The following STIM1 variants were observed in gnomAD, a reference collection of about 807,000 sequenced individuals.
STIM1 encodes stromal interaction molecule 1.
A neutral mutation model predicts 74.7 loss-of-function variants in STIM1; 25 were observed. The observed-to-expected ratio is 0.33, with a 90% CI of 0.24 to 0.47. STIM1 has a LOEUF of 0.47. Ranked by LOEUF, STIM1 falls within the 20% of genes least tolerant of loss-of-function variation. The pLI, the probability that STIM1 is intolerant of heterozygous loss-of-function variation, is 1.00. For missense variants in STIM1, 728 were observed against 920.8 expected (o/e 0.79, Z 2.71); for synonymous variants, 328 against 348.8 (o/e 0.94, Z 0.66).
At chr11:3,920,802 A>T (rs552169559) in intron 1 of STIM1, among the ~76,000 whole-genome samples, 19 of 149,958 alleles carry the variant, frequency 1.3e-4, no homozygotes, top group South Asian at 6.4e-4. Context: ...TATTTTTTTT[A>T]ATTTTTTTTT....
intron 2 of STIM1, among the ~76,000 whole-genome samples, chr11:4,011,376 A>G (rs1406496263): frequency 6.6e-6 from 1 of 152,196 alleles, no homozygotes; most frequent in Non-Finnish European, 1.5e-5. Context: ...CCTTTCCAGC[A>G]TCTGTTGTTT....
chr11:4,018,177 C>T (rs1247948735), intron 2 of STIM1, among the ~76,000 whole-genome samples: 5 of 150,908 alleles, frequency 3.3e-5, no homozygotes, highest in African/African-American at 1.2e-4. Context: ...TGGCTGGGCG[C>T]GGTGGCTCAC....
At chr11:3,884,781 CAAA>C (rs1554953053) in intron 1 of STIM1, among the ~76,000 whole-genome samples, 1 of 116,290 alleles carries the variant, frequency 8.6e-6, no homozygotes, top group Non-Finnish European at 1.9e-5. Flanking sequence ...GACCCCATCT[CAAA>C]AAAAAAAAAA....
chr11:4,084,900 C>CAG, intron 11 of STIM1, 135 bp downstream of exon 11: 3 of 636,298 alleles, frequency 4.7e-6, no homozygotes, highest in Non-Finnish European at 7.4e-6. Flanking sequence ...ACTGTCCCTA[C>CAG]TAACTACAGG....
intron 3 of STIM1, among the ~76,000 whole-genome samples, chr11:4,036,642 A>G (rs2094105346): frequency 6.6e-6 from 1 of 152,222 alleles, no homozygotes; most frequent in African/African-American, 2.4e-5. Flanking sequence ...TGTTGGTCGC[A>G]TGAATATCTT....
chr11:3,855,135 C>A (rs1370324844), upstream of STIM1: 3 of 152,266 alleles, frequency 2.0e-5, no homozygotes, highest in African/African-American at 7.2e-5. Flanking sequence ...AGGCGAGGCG[C>A]GAGGGCGGAG....
chr11:4,046,059 CTTTTTTTTT>C (rs35783768), intron 3 of STIM1, among the ~76,000 whole-genome samples: 16 of 59,030 alleles, frequency 2.7e-4, no homozygotes, highest in Non-Finnish European at 3.9e-4. Flanking sequence ...CGTGAGCTAC[CTTTTTTTTT>C]TTTTTTTTTT....
At chr11:3,867,401 C>G (rs1249796731) in intron 1 of STIM1, 2 of 152,228 alleles carry the variant, frequency 1.3e-5, no homozygotes, top group African/African-American at 4.8e-5. Context: ...CTTGGGTCTT[C>G]CTGCTCCCTG....
chr11:3,926,490 G>C (rs558717534), intron 1 of STIM1, among the ~76,000 whole-genome samples: 75 of 152,316 alleles, frequency 4.9e-4, no homozygotes, highest in African/African-American at 1.6e-3. Context: ...GGAGACCACT[G>C]TCTTAATACA....
intron 3 of STIM1, among the ~76,000 whole-genome samples, chr11:4,053,789 A>C (rs1025378208): frequency 3.3e-5 from 5 of 152,154 alleles, no homozygotes; most frequent in Non-Finnish European, 7.4e-5. Flanking sequence ...AAAAAATTTT[A>C]ATAGAGACAG....
chr11:3,976,535 TTCA>T (rs748108972), intron 2 of STIM1, among the ~76,000 whole-genome samples: 28 of 152,196 alleles, frequency 1.8e-4, no homozygotes, highest in Non-Finnish European at 3.5e-4. Flanking sequence ...AAAGTTAAAT[TTCA>T]TCATATGTTA....
In STIM1 at chr11:4,091,308, C is replaced by T; in HGVS notation, c.1661C>T (p.Ser554Phe). ...QRDLTHSDSE[S>F]SLHMSDRQRV... is the part of the protein sequence containing the mutation. ...GATTTGACCCATTCCGATTCGGAGT[C>T]CTCCCTCCACATGAGTGACCGCCAG... Residue 554 changes from serine (S) to phenylalanine (F), a missense_variant, in exon 13 of 13, where the codon TCC (serine) becomes TTC (phenylalanine). Physicochemically the swap from Ser to Phe is radical, Grantham distance 155 (BLOSUM62 -2). This residue lies in a region of STIM1 where 352 missense variants were observed against 370.1 expected (regional missense o/e 0.95). Transcript: ENST00000526596. The T allele has an allele frequency of 6.2e-7, 1 of 1,614,212 alleles. No homozygotes were observed. Among genetic ancestry groups the T allele is most frequent in the East Asian group, 2.2e-5 (1 of 44,888 alleles).
intron 2 of STIM1, among the ~76,000 whole-genome samples, chr11:4,009,681 AAT>A (rs2093817412): frequency 6.6e-6 from 1 of 152,076 alleles, no homozygotes; most frequent in Non-Finnish European, 1.5e-5. Context: ...TCTTCATAAA[AAT>A]AGTGTGCTTG....
At chr11:3,900,664 C>G (rs369320887) in intron 1 of STIM1, among the ~76,000 whole-genome samples, 1 of 152,210 alleles carries the variant, frequency 6.6e-6, no homozygotes, top group East Asian at 1.9e-4. Flanking sequence ...CAGCTCACTG[C>G]AGCCTTCTGG....
intron 1 of STIM1, among the ~76,000 whole-genome samples, chr11:3,914,013 T>C (rs1251856449): frequency 6.6e-6 from 1 of 152,154 alleles, no homozygotes; most frequent in Non-Finnish European, 1.5e-5. Context: ...CATTGATAAG[T>C]ATACAATTTA....
intron 2 of STIM1, among the ~76,000 whole-genome samples, chr11:4,000,927 T>G (rs1288626525): frequency 2.6e-5 from 4 of 152,094 alleles, no homozygotes; most frequent in Admixed American, 6.5e-5. Flanking sequence ...GCTCGAGAAC[T>G]ACGTGAAGAA....
chr11:3,978,916 C>A (rs904288959), intron 2 of STIM1, among the ~76,000 whole-genome samples: 1 of 152,104 alleles, frequency 6.6e-6, no homozygotes, highest in Admixed American at 6.6e-5. Flanking sequence ...GCGCTCCCAC[C>A]ATTTGGCTTT....
At chr11:3,905,272 A>G (rs181437349) in intron 1 of STIM1, among the ~76,000 whole-genome samples, 3 of 152,148 alleles carry the variant, frequency 2.0e-5, no homozygotes, top group Admixed American at 2.0e-4. Flanking sequence ...TGAGGCAAAG[A>G]TGTAGAACAA....
At chr11:4,048,183 G>C (rs549218518) in intron 3 of STIM1, among the ~76,000 whole-genome samples, 1 of 152,272 alleles carries the variant, frequency 6.6e-6, no homozygotes, top group African/African-American at 2.4e-5. Context: ...GAATCTCACC[G>C]TATCATTCAA....
Sources: gnomAD v4.1 joint callset for allele counts (sites outside exome capture counted in the v4.1 genomes callset) on GRCh38, gnomAD v4.1.1 for gene constraint, gnomAD v4.1.1 regional missense constraint, MANE v1.5 for transcripts, NCBI Gene and HGNC (gene_info 2026-07-23, HGNC 2026-07-21) for gene names.